Variants in TYW1B observed in about 807,000 individuals in gnomAD.
TYW1B encodes the protein S-adenosyl-L-methionine-dependent tRNA 4-demethylwyosine synthase TYW1B.
Under a neutral mutation model 86.9 loss-of-function variants are expected in TYW1B, and 73 were observed. That is an observed-to-expected ratio of 0.84 (90% confidence interval 0.70 to 1.02). The LOEUF (loss-of-function observed/expected upper bound fraction) is 1.02. Ranked by LOEUF, TYW1B falls within the 50% of genes least tolerant of loss-of-function variation. The probability of loss-of-function intolerance (pLI) is 0.00; values close to 1 mark genes in which losing one functional copy is unlikely to be tolerated. For synonymous variants in TYW1B, 248 were observed against 292.8 expected, an observed-to-expected ratio of 0.85 and a Z score of 1.56; for missense variants, 637 against 827.4, an observed-to-expected ratio of 0.77 and a Z score of 2.82.
intron 7 of TYW1B, among the ~76,000 whole-genome samples, chr7:72,764,439 C>T (rs1236235871): frequency 5.3e-5 from 8 of 152,154 alleles, no homozygotes; most frequent in African/African-American, 7.2e-5. Flanking sequence ...CCCGCCACCA[C>T]GCCCAGCTAA....
chr7:72,773,686 C>T (rs1304308320), intron 7 of TYW1B, among the ~76,000 whole-genome samples: 1 of 152,116 alleles, frequency 6.6e-6, no homozygotes, highest in Non-Finnish European at 1.5e-5. Context: ...GAAACACTAC[C>T]CAAGGATGGG....
intron 12 of TYW1B, among the ~76,000 whole-genome samples, chr7:72,619,329 A>G (rs1812157749): frequency 6.6e-6 from 1 of 152,192 alleles, no homozygotes; most frequent in Non-Finnish European, 1.5e-5. Context: ...TAAAAAAGGA[A>G]AATAATGATA....
chr7:72,602,902 T>C (rs1484013766), intron 13 of TYW1B, among the ~76,000 whole-genome samples: 12 of 148,156 alleles, frequency 8.1e-5, no homozygotes. Flanking sequence ...GATGGGGTTA[T>C]GGCAAAGTAA....
At chr7:72,763,838 GA>G in intron 7 of TYW1B, among the ~76,000 whole-genome samples, 1 of 152,140 alleles carries the variant, frequency 6.6e-6, no homozygotes, top group Middle Eastern at 3.2e-3. Flanking sequence ...ATCTTACAGA[GA>G]TATTAAATTA....
chr7:72,707,153 T>G (rs576294594), intron 10 of TYW1B, among the ~76,000 whole-genome samples: 2 of 152,216 alleles, frequency 1.3e-5, no homozygotes, highest in Non-Finnish European at 2.9e-5. Context: ...CTCATTGACT[T>G]GAAGCTCCGC....
intron 13 of TYW1B, among the ~76,000 whole-genome samples, chr7:72,604,054 C>T (rs1286322047): frequency 2.0e-5 from 3 of 152,166 alleles, no homozygotes; most frequent in African/African-American, 7.2e-5. Flanking sequence ...ACACGTACCA[C>T]ACCAACATAA....
chr7:72,711,932 T>C (rs2844057), intron 10 of TYW1B, among the ~76,000 whole-genome samples: 6 of 151,930 alleles, frequency 3.9e-5, no homozygotes, highest in Non-Finnish European at 8.8e-5. Context: ...AAAAATGCAC[T>C]GAGATAAATA....
intron 11 of TYW1B, among the ~76,000 whole-genome samples, chr7:72,679,456 A>G (rs1813817095): frequency 6.6e-6 from 1 of 152,192 alleles, no homozygotes; most frequent in Non-Finnish European, 1.5e-5. Flanking sequence ...CAAAGTCTCA[A>G]AGGCTAAATA....
intron 9 of TYW1B, among the ~76,000 whole-genome samples, chr7:72,726,871 T>A (rs1294558900): frequency 9.2e-5 from 14 of 152,198 alleles, no homozygotes; most frequent in African/African-American, 3.1e-4. Flanking sequence ...GGAAATTTAC[T>A]ATCACAGCGG....
intron 9 of TYW1B, chr7:72,722,788 G>A: frequency 2.4e-6 from 1 of 425,318 alleles, no homozygotes; most frequent in Non-Finnish European, 4.2e-6. Context: ...ACCAGACCCA[G>A]GACAGACGGC....
chr7:72,786,645 G>A (rs1209958992), intron 6 of TYW1B, among the ~76,000 whole-genome samples: 1 of 146,246 alleles, frequency 6.8e-6, no homozygotes, highest in Non-Finnish European at 1.5e-5. Flanking sequence ...GCGTGATCTC[G>A]GCTCACTACA....
At chr7:72,778,602 A>G (rs1787997610) in intron 6 of TYW1B, among the ~76,000 whole-genome samples, 1 of 152,146 alleles carries the variant, frequency 6.6e-6, no homozygotes, top group Admixed American at 6.6e-5. Context: ...GGCGTGCACC[A>G]CCATGCCTGG....
At chr7:72,646,370 CTTTAT>C (rs1812932157) in intron 11 of TYW1B, among the ~76,000 whole-genome samples, 1 of 151,550 alleles carries the variant, frequency 6.6e-6, no homozygotes, top group African/African-American at 2.4e-5. Flanking sequence ...CCTAAAAAGT[CTTTAT>C]TTTATTTTAT....
chr7:72,769,079 T>A (rs12698442), intron 7 of TYW1B: 271,806 of 372,362 alleles, frequency 0.73, 101,027 homozygotes, highest in Non-Finnish European at 0.78. Context: ...ACACGGAGGC[T>A]AGTCTGTGGG....
chr7:72,579,765 C>A (rs1199365232), intron 13 of TYW1B, among the ~76,000 whole-genome samples: 2 of 152,184 alleles, frequency 1.3e-5, no homozygotes, highest in Admixed American at 1.3e-4. Flanking sequence ...ATCCTCCCAC[C>A]TCAGCCTCCT....
At chr7:72,632,285 G>GTATATATATATATATACATAT (rs1239640717) in intron 11 of TYW1B, among the ~76,000 whole-genome samples, 1 of 83,568 alleles carries the variant, frequency 1.2e-5, no homozygotes, top group South Asian at 3.2e-4. Context: ...ATATATACGT[G>GTATATATATATATATACATAT]TATATATATA....
rs1788974422 is a variant in TYW1B at position 72,828,070 on chromosome 7, AC to A, written c.4+1del. On this transcript the variant is annotated splice_donor_variant, in intron 1 of 13. Transcript: ENST00000620995. LOFTEE classifies it high-confidence loss of function. ...GGGTCCTTGCCCGCCGAGTGCCCTT[AC>A]CCATCCTCCTCAGAGCCGACAGGAG... The A allele has an allele frequency of 6.2e-7, 1 of 1,613,744 alleles. No individual in the cohort carries two copies. The highest frequency in any genetic ancestry group is 1.1e-5 in the South Asian group (1 of 91,046).
At chr7:72,828,011 T>G in intron 1 of TYW1B, 61 bp downstream of exon 1, 8 of 1,607,684 alleles carry the variant, frequency 5.0e-6, no homozygotes, top group Non-Finnish European at 5.9e-6. Context: ...CCGGAGAGGG[T>G]CTCAGTAAAA....
intron 6 of TYW1B, among the ~76,000 whole-genome samples, chr7:72,798,390 C>CAA (rs782020414): frequency 2.1e-5 from 3 of 141,218 alleles, no homozygotes; most frequent in Non-Finnish European, 4.6e-5. Flanking sequence ...GACTCCGTCT[C>CAA]AAAAAAAAAA....
Sources: gnomAD v4.1 joint callset for allele counts (sites outside exome capture counted in the v4.1 genomes callset) on GRCh38, gnomAD v4.1.1 for gene constraint, MANE v1.5 for transcripts, NCBI Gene and HGNC (gene_info 2026-07-23, HGNC 2026-07-21) for gene names.